Variants in FOXN3 observed in about 807,000 individuals in gnomAD.
FOXN3 encodes forkhead box N3, also known as forkhead box protein N3.
FOXN3 carries 7 observed loss-of-function variants against 38.4 expected under a neutral mutation model. The ratio of observed to expected loss-of-function variants is 0.18; its 90% CI spans 0.10 to 0.34. FOXN3 has a LOEUF of 0.34. Ranked by LOEUF, FOXN3 falls within the 10% of genes least tolerant of loss-of-function variation. The pLI is 1.00. For missense variants in FOXN3, 456 were observed against 613.4 expected, an observed-to-expected ratio of 0.74 and a Z score of 2.71; for synonymous variants, 230 against 242.2, an observed-to-expected ratio of 0.95 and a Z score of 0.47.
intron 1 of FOXN3, among the ~76,000 whole-genome samples, chr14:89,513,915 C>T (rs1158330642): frequency 6.6e-6 from 1 of 152,016 alleles, no homozygotes; most frequent in East Asian, 1.9e-4. Context: ...TACACACACA[C>T]ACACACACAC....
At position 89,162,640 on chromosome 14, in the gene FOXN3, G is replaced by A. The variant is rs1290798583; in HGVS notation, c.1181C>T (p.Ser394Phe). The change falls in exon 6 of 6, where the codon TCC becomes TTC. Residue 394 changes from serine to phenylalanine, a missense_variant. Ser to Phe is a radical substitution (Grantham distance 155). Coordinates refer to ENST00000557258, the MANE Select transcript of FOXN3 (RefSeq NM_005197.4). The surrounding 1 kb of genome is among the most constrained non-coding windows in gnomAD (Gnocchi z 7.2). ...GAAGTGCTGGCGCTTCTTGTGCTGG[G>A]ATGCGTACCCGCTGTCCCCCAGAGA... ...KDSLGDSGYA[S>F]QHKKRQHFAK... 6 of 1,613,930 alleles carry A rather than the reference G, an allele frequency of 3.7e-6. No individual in the cohort carries two copies. The highest frequency in any genetic ancestry group is 4.2e-6 in the Non-Finnish European group (5 of 1,179,950).
At chr14:89,416,139 ACGCACGCG>A (rs1044774213) in intron 1 of FOXN3, among the ~76,000 whole-genome samples, 104 of 152,208 alleles carry the variant, frequency 6.8e-4, no homozygotes, top group Non-Finnish European at 1.4e-3. Flanking sequence ...GCGCGCGCGC[ACGCACGCG>A]CTTCACTCTC....
chr14:89,202,333 G>A (rs980989224), intron 4 of FOXN3, among the ~76,000 whole-genome samples: 2 of 152,204 alleles, frequency 1.3e-5, no homozygotes, highest in African/African-American at 4.8e-5. Flanking sequence ...ACCTCACTGT[G>A]TTCTTTCTGG....
chr14:89,274,457 C>T (rs867230348), intron 4 of FOXN3, among the ~76,000 whole-genome samples: 4 of 152,202 alleles, frequency 2.6e-5, no homozygotes, highest in Admixed American at 6.5e-5. Flanking sequence ...GAGTGACTGA[C>T]ATTCACAGTT....
intron 3 of FOXN3, among the ~76,000 whole-genome samples, chr14:89,339,698 C>A (rs535183429): frequency 6.6e-6 from 1 of 152,196 alleles, no homozygotes; most frequent in Non-Finnish European, 1.5e-5. Flanking sequence ...TTTTTCATTT[C>A]TCTGCTTCCT....
chr14:89,529,111 G>A (rs1390287914), intron 1 of FOXN3, among the ~76,000 whole-genome samples: 1 of 152,066 alleles, frequency 6.6e-6, no homozygotes, highest in Non-Finnish European at 1.5e-5. Context: ...TAGGGATCTA[G>A]GGCTATAATC....
intron 2 of FOXN3, among the ~76,000 whole-genome samples, chr14:89,401,864 C>T (rs1240763056): frequency 6.6e-6 from 1 of 152,174 alleles, no homozygotes; most frequent in African/African-American, 2.4e-5. Flanking sequence ...AAATCCCACA[C>T]ACCCTGTGAA....
intron 1 of FOXN3, among the ~76,000 whole-genome samples, chr14:89,514,955 C>G (rs377211932): frequency 6.6e-6 from 1 of 151,904 alleles, no homozygotes; most frequent in Admixed American, 6.6e-5. Context: ...GGAGTCTCGC[C>G]GTCTCCTAGG....
At chr14:89,281,826 T>C (rs1318710022) in intron 3 of FOXN3, among the ~76,000 whole-genome samples, 1 of 152,194 alleles carries the variant, frequency 6.6e-6, no homozygotes, top group Non-Finnish European at 1.5e-5. Flanking sequence ...TAGTCAAAAA[T>C]GTTACTACAT....
intron 1 of FOXN3, among the ~76,000 whole-genome samples, chr14:89,592,226 C>T (rs1895970920): frequency 6.6e-6 from 1 of 152,122 alleles, no homozygotes; most frequent in Non-Finnish European, 1.5e-5. Flanking sequence ...ACAGAAGGAT[C>T]ACCCCAATGT....
At chr14:89,522,300 A>G (rs536972371) in intron 1 of FOXN3, among the ~76,000 whole-genome samples, 2 of 152,268 alleles carry the variant, frequency 1.3e-5, no homozygotes, top group Non-Finnish European at 1.5e-5. Context: ...AAAGGCTTCC[A>G]TTTCAATAAA....
At chr14:89,567,881 C>A (rs748788193) in intron 1 of FOXN3, among the ~76,000 whole-genome samples, 1 of 151,962 alleles carries the variant, frequency 6.6e-6, no homozygotes. Flanking sequence ...CGCCACTACG[C>A]CTGGCTAATT....
intron 4 of FOXN3, among the ~76,000 whole-genome samples, chr14:89,232,658 C>T (rs1478295769): frequency 6.6e-6 from 1 of 152,184 alleles, no homozygotes; most frequent in East Asian, 1.9e-4. Flanking sequence ...GTCCTCTGCT[C>T]TTCTAACCTT....
intron 5 of FOXN3, among the ~76,000 whole-genome samples, chr14:89,173,983 A>C (rs1476674645): frequency 2.0e-5 from 3 of 152,118 alleles, no homozygotes; most frequent in Non-Finnish European, 4.4e-5. Context: ...ACAAAGCGAG[A>C]CCCTGTCTCA....
rs144678502 is a variant in FOXN3, at chr14:89,367,708, C to T, written c.544-16900G>A. Among the ~76,000 whole-genome samples, 27 of 152,244 alleles carry T rather than the reference C, an allele frequency of 1.8e-4. No individual in the cohort carries two copies. The South Asian group carries it at 2.1e-3, about 12-fold the overall frequency. On this transcript the variant is annotated intron_variant, in intron 2 of 5. Coordinates refer to ENST00000557258, the MANE Select transcript of FOXN3 (RefSeq NM_005197.4). ...GAAAAAATTAAACAAACAGAATCTA[C>T]CCAGAAAGACCAACTGACCTGGCCC... is the stretch of plus-strand genomic sequence containing the variant.
intron 1 of FOXN3, among the ~76,000 whole-genome samples, chr14:89,438,311 C>G (rs531964985): frequency 7.1e-4 from 108 of 152,286 alleles, no homozygotes; most frequent in Non-Finnish European, 1.1e-3. Flanking sequence ...AGTCATTGTA[C>G]AAGAACATTT....
chr14:89,444,902 G>A (rs937923557), intron 1 of FOXN3, among the ~76,000 whole-genome samples: 2 of 152,006 alleles, frequency 1.3e-5, no homozygotes, highest in Admixed American at 6.6e-5. Flanking sequence ...AGCAGTATCC[G>A]TTGAGCCCAG....
chr14:89,555,881 G>GTGTGT (rs374731979), intron 1 of FOXN3, among the ~76,000 whole-genome samples: 4 of 115,458 alleles, frequency 3.5e-5, no homozygotes, highest in Non-Finnish European at 5.9e-5. Flanking sequence ...GTGTGTATGT[G>GTGTGT]GGGGTGTATG....
In FOXN3 at chr14:89,159,209, A is replaced by C. The variant is rs575123127; in HGVS notation, c.*3205T>G. 4 of 152,754 alleles carry C rather than the reference A, an allele frequency of 2.6e-5. No homozygotes were observed. Among genetic ancestry groups the C allele is most frequent in the African/African-American group, 7.2e-5 (3 of 41,578 alleles). 9.5% of individuals were successfully genotyped at this position (152,754 alleles called of 1,614,324 possible). A position where few individuals can be genotyped will look rare whatever the true frequency, so the allele number is the denominator to read the frequency against. Reference sequence around the variant, plus strand: ...AACCTCATTCTCCAATAAATTCACTACAAACAGCCACATACACATTGATAC... The same window carrying C: ...AACCTCATTCTCCAATAAATTCACTCCAAACAGCCACATACACATTGATAC... On this transcript the variant is annotated 3_prime_UTR_variant, in exon 6 of 6. Transcript: ENST00000557258.
Sources: allele counts gnomAD v4.1 joint callset (sites outside exome capture counted in the v4.1 genomes callset), GRCh38; gene constraint gnomAD v4.1.1; non-coding constraint Gnocchi (gnomAD v3.1); transcripts MANE v1.5; gene names NCBI Gene and HGNC (gene_info 2026-07-23, HGNC 2026-07-21).